MFN2: variants seen among roughly 807,000 people sequenced by gnomAD.
The protein encoded by MFN2 is mitofusin 2.
In MFN2, 43 loss-of-function variants were observed where a neutral mutation model predicts 87.5. That is an observed-to-expected ratio of 0.49 (90% CI 0.38 to 0.63). MFN2 has a LOEUF of 0.63. Among genes scored for constraint, MFN2 ranks in the 30% least tolerant of loss-of-function variants. The probability of loss-of-function intolerance (pLI) is 0.00; values close to 1 mark genes in which losing one functional copy is unlikely to be tolerated. For synonymous variants in MFN2, 337 were observed against 359.9 expected (o/e 0.94, Z 0.72); for missense variants, 743 against 972.8 (o/e 0.76, Z 3.14).
rs576189902 is a variant in MFN2, at chr1:11,997,453, A to G, written c.599+32A>G. ...GGGAGGTGCCCTCCTAGGAGGTCCA[A>G]ACTGGAAGGCACCAGGTTTCCATTT... On this transcript the variant is annotated intron_variant, in intron 6 of 18. Transcript: ENST00000235329. 5 of 1,613,096 alleles carry G rather than the reference A, an allele frequency of 3.1e-6. No homozygotes were observed. The Admixed American group carries it at 5.0e-5, about 16-fold the overall frequency.
chr1:12,000,712 C>T (rs1639132765), intron 8 of MFN2, among the ~76,000 whole-genome samples: 1 of 152,186 alleles, frequency 6.6e-6, no homozygotes, highest in Non-Finnish European at 1.5e-5. Flanking sequence ...ATGCCCACTC[C>T]TTTTATAAAC....
At chr1:12,010,790 G>C (rs1639658037) in intron 18 of MFN2, among the ~76,000 whole-genome samples, 1 of 152,146 alleles carries the variant, frequency 6.6e-6, no homozygotes, top group African/African-American at 2.4e-5. Flanking sequence ...AAAGTGCCCT[G>C]CAAAAGTCCT....
rs116817317 is a variant in MFN2, at chr1:12,005,237, C to T, written c.1495+310C>T. On this transcript the variant is annotated intron_variant, in intron 14 of 18. Transcript: ENST00000235329. The stretch of plus-strand genomic sequence containing the variant: ...GCTGCGACTACAGGCGTGACCACCA[C>T]ACCTGGCTAATTTTTTTGTATTTTT... Among the ~76,000 whole-genome samples, 2,071 of 152,324 alleles carry T rather than the reference C, an allele frequency of 0.014. 44 individuals carry two copies. The highest frequency in any genetic ancestry group is 0.045 in the African/African-American group (1,857 of 41,568).
rs751397699 is a variant in MFN2 at position 12,005,737 on chromosome 1, T to A, written c.1522T>A (p.Ser508Thr). 42 of 1,614,110 alleles carry A rather than the reference T, an allele frequency of 2.6e-5. No homozygotes were observed. Among genetic ancestry groups the A allele is most frequent in the Non-Finnish European group, 3.1e-5 (37 of 1,180,038 alleles). Residue 508 changes from serine to threonine, a missense_variant, in exon 15 of 19, where the codon TCT (serine) becomes ACT (threonine). Physicochemically the swap from Ser to Thr is moderately conservative, Grantham distance 58. Coordinates refer to ENST00000235329, the MANE Select transcript of MFN2 (RefSeq NM_014874.4). ...TGGCTTGAAACCCCTCCTTCCTGTG[T>A]CTGTGCGGAGTCAGATAGACATGCT... The part of the protein sequence containing the change: ...IDGLKPLLPV[S>T]VRSQIDMLVP...
intron 18 of MFN2, among the ~76,000 whole-genome samples, chr1:12,010,311 G>C (rs1398692611): frequency 3.3e-5 from 5 of 152,252 alleles, no homozygotes; most frequent in African/African-American, 1.2e-4. Flanking sequence ...AGCGCCCTGT[G>C]CTGAACCGCA....
At chr1:11,997,651 A>G (rs1638969892) in intron 6 of MFN2, among the ~76,000 whole-genome samples, 1 of 152,140 alleles carries the variant, frequency 6.6e-6, no homozygotes, top group South Asian at 2.1e-4. Context: ...TGTAAAAGAT[A>G]GGAGGGATGC....
rs530397368 is a variant in MFN2, at chr1:11,989,348, G to A, written c.175+5G>A. On this transcript the variant is annotated splice_donor_5th_base_variant and intron_variant, in intron 3 of 18. Transcript: ENST00000235329. Reference sequence around the variant, plus strand: ...AGAGCGCCACCTTCCTTGAAGGTAAGGGGGCACCGGCTCAGCCAGGCCCGC... The same window carrying A: ...AGAGCGCCACCTTCCTTGAAGGTAAAGGGGCACCGGCTCAGCCAGGCCCGC... The A allele has an allele frequency of 1.9e-5, 31 of 1,613,682 alleles. No individual in the cohort carries two copies. In the South Asian group the frequency reaches 2.5e-4, roughly 13 times the overall value.
chr1:12,006,579 G>A lies in MFN2; in HGVS notation c.1758G>A (p.Met586Ile), dbSNP rs1341015445. The A allele has an allele frequency of 4.3e-6, 7 of 1,614,076 alleles. No homozygotes were observed. In the East Asian group the frequency reaches 8.9e-5, roughly 21 times the overall value. ...PIPLTPANPSMPPLPQGSLTQ... is the reference protein window; with the variant it reads ...PIPLTPANPSIPPLPQGSLTQ... ...CTCTGACGCCAGCCAACCCCAGCAT[G>A]CCCCCACTGCCACAGGGCTCGCTCA... is the stretch of plus-strand genomic sequence containing the variant. Residue 586 changes from methionine (M) to isoleucine (I), a missense_variant, in exon 16 of 19, where the codon ATG (methionine) becomes ATA (isoleucine). Coordinates refer to ENST00000235329, the MANE Select transcript of MFN2 (RefSeq NM_014874.4).
intron 9 of MFN2, 90 bp from the exon 10 acceptor site, chr1:12,001,679 C>G: frequency 1.3e-6 from 2 of 1,595,256 alleles, no homozygotes; most frequent in South Asian, 2.2e-5. Context: ...GAGGCTCTTG[C>G]TCTTTAGCCA....
intron 8 of MFN2, among the ~76,000 whole-genome samples, chr1:11,999,989 C>T (rs1173868401): frequency 2.0e-5 from 3 of 151,324 alleles, no homozygotes; most frequent in African/African-American, 2.4e-5. Flanking sequence ...CCCAGCTACG[C>T]GGGAGGCTAA....
At position 11,996,332 on chromosome 1, in the gene MFN2, G is replaced by T; in HGVS notation, c.474+14G>T. 1 of 1,613,868 alleles carries T rather than the reference G, an allele frequency of 6.2e-7. No homozygotes were observed. The highest frequency in any genetic ancestry group is 8.5e-7 in the Non-Finnish European group (1 of 1,179,956). ...AGGAGTGCCAAGGTGAGGGTGCCAG[G>T]CTGGCTGTCAGCCCTGTGCCTGCTG... On this transcript the variant is annotated intron_variant, in intron 5 of 18. Transcript: ENST00000235329.
In MFN2 at chr1:12,006,523, T is replaced by C. The variant is rs752294693; in HGVS notation, c.1717-15T>C. ...CAATACGTCCCCCTCACCCCTCTCA[T>C]GTTTCTCTCCTCAGGTCCAGCGTCC... On this transcript the variant is annotated splice_polypyrimidine_tract_variant and intron_variant, in intron 15 of 18. Coordinates refer to ENST00000235329, the MANE Select transcript of MFN2 (RefSeq NM_014874.4). 1.2e-5 allele frequency: 20 copies of C among 1,613,856 alleles called. No homozygotes were observed. Among genetic ancestry groups the C allele is most frequent in the Non-Finnish European group, 1.6e-5 (19 of 1,180,004 alleles).
intron 4 of MFN2, among the ~76,000 whole-genome samples, chr1:11,995,224 C>T (rs1398384358): frequency 6.6e-6 from 1 of 151,784 alleles, no homozygotes; most frequent in African/African-American, 2.4e-5. Flanking sequence ...TCATGCCACA[C>T]GCTACTGCAC....
intron 1 of MFN2, 141 bp downstream of exon 1, chr1:11,980,625 TC>T: frequency 2.5e-6 from 1 of 395,968 alleles, no homozygotes; most frequent in Non-Finnish European, 4.4e-6. Flanking sequence ...CTCTCCGGCC[TC>T]GCCGCCGGGC....
rs1639755277 is a variant in MFN2 at position 12,013,058 on chromosome 1, T to C, written c.*1493T>C. 1 of 332,632 alleles carries C rather than the reference T, an allele frequency of 3.0e-6. No individual in the cohort carries two copies. The highest frequency in any genetic ancestry group is 4.4e-5 in the Admixed American group (1 of 22,696). 20.6% of individuals were successfully genotyped at this position (332,632 alleles called of 1,614,324 possible). A position where few individuals can be genotyped will look rare whatever the true frequency, so the allele number is the denominator to read the frequency against. ...GTCTGTCCTGTTGTGTGGGGCGAAG[T>C]GATGGACTCTGCCAGGTGGACATGC... On this transcript the variant is annotated 3_prime_UTR_variant, in exon 19 of 19. Coordinates refer to ENST00000235329, the MANE Select transcript of MFN2 (RefSeq NM_014874.4).
chr1:11,994,954 G>A (rs1167193739), intron 4 of MFN2, among the ~76,000 whole-genome samples: 1 of 152,118 alleles, frequency 6.6e-6, no homozygotes, highest in South Asian at 2.1e-4. Flanking sequence ...TTCTCAAGAA[G>A]CAGAAATGGT....
At chr1:11,987,378 C>A (rs1276535808) in intron 2 of MFN2, among the ~76,000 whole-genome samples, 1 of 151,332 alleles carries the variant, frequency 6.6e-6, no homozygotes, top group Non-Finnish European at 1.5e-5. Context: ...GCCTGTAATC[C>A]CAGCACTTTC....
chr1:12,007,279 G>T, intron 17 of MFN2, 30 bp downstream of exon 17: 1 of 1,608,602 alleles, frequency 6.2e-7, no homozygotes, highest in Non-Finnish European at 8.5e-7. Context: ...CCCAGCAGGG[G>T]ACTTCCTTTA....
intron 18 of MFN2, among the ~76,000 whole-genome samples, chr1:12,010,822 ACAT>A (rs1324282339): frequency 2.0e-5 from 3 of 151,780 alleles, no homozygotes; most frequent in Admixed American, 1.3e-4. Context: ...GCTCATGATA[ACAT>A]CAGCACACGG....
Sources: gnomAD v4.1 joint callset for allele counts (sites outside exome capture counted in the v4.1 genomes callset) on GRCh38, gnomAD v4.1.1 for gene constraint, MANE v1.5 for transcripts, NCBI Gene and HGNC (gene_info 2026-07-23, HGNC 2026-07-21) for gene names.